The following RBM6 variants were observed in gnomAD, a reference collection of about 807,000 sequenced individuals.
RBM6 encodes RNA binding motif protein 6.
In RBM6, 23 loss-of-function variants were observed where a neutral mutation model predicts 140.4. That is an observed-to-expected ratio of 0.16 (90% CI 0.12 to 0.23). The LOEUF (loss-of-function observed/expected upper bound fraction) is 0.23, where lower values mean the gene tolerates loss of function less well. Ranked by LOEUF, RBM6 falls within the 10% of genes least tolerant of loss-of-function variation. RBM6 has a pLI of 1.00. For synonymous variants in RBM6, 439 were observed against 475.6 expected (o/e 0.92, Z 1.00); for missense variants, 1,139 against 1,386.7 (o/e 0.82, Z 2.84).
At chr3:49,991,224 G>C (rs535407667) in intron 5 of RBM6, among the ~76,000 whole-genome samples, 3 of 152,334 alleles carry the variant, frequency 2.0e-5, no homozygotes, top group African/African-American at 7.2e-5. Flanking sequence ...TGAGTGTTGA[G>C]TGTAGGAGTC....
chr3:49,947,629 A>G (rs1381611143), intron 1 of RBM6, among the ~76,000 whole-genome samples: 2 of 152,062 alleles, frequency 1.3e-5, no homozygotes, highest in East Asian at 3.9e-4. Context: ...TTTTTTTAAA[A>G]TCTGTGCCTC....
rs557847011 is a variant in RBM6 at position 50,032,330 on chromosome 3, A to G, written c.1558-15915A>G. 2.5e-4 allele frequency among the ~76,000 whole-genome samples: 38 copies of G among 152,070 alleles called. 1 individual carries two copies. The East Asian group carries it at 5.0e-3, about 20-fold the overall frequency. Reference sequence around the variant, plus strand: ...ACCCCATCTCTACTAAAAAAAATACAAAAATTAGCTGGGCGTGGTGGTGCG... The same window carrying G: ...ACCCCATCTCTACTAAAAAAAATACGAAAATTAGCTGGGCGTGGTGGTGCG... On this transcript the variant is annotated intron_variant, in intron 6 of 20. Transcript: ENST00000266022.
Position 50,066,234 on chromosome 3 carries a change from C to T in RBM6, c.2683-8C>T. ...ATTTGGTATTGATCCCTGGCCTTCT[C>T]CTTCCAGCCTAAAGTGGTAAACCCA... On this transcript the variant is annotated splice_polypyrimidine_tract_variant and splice_region_variant and intron_variant, in intron 16 of 20. Transcript: ENST00000266022. 6.2e-7 allele frequency: 1 copy of T among 1,604,820 alleles called. No homozygotes were observed. The highest frequency in any genetic ancestry group is 1.1e-5 in the South Asian group (1 of 90,406).
intron 1 of RBM6, among the ~76,000 whole-genome samples, chr3:49,946,601 T>C (rs528882151): frequency 1.3e-5 from 2 of 152,176 alleles, no homozygotes; most frequent in South Asian, 2.1e-4. Context: ...AGTGGCATGA[T>C]CTCGGCTCAC....
chr3:50,007,336 A>C (rs1198145833), intron 6 of RBM6, among the ~76,000 whole-genome samples: 2 of 151,096 alleles, frequency 1.3e-5, no homozygotes, highest in African/African-American at 4.9e-5. Context: ...AGCTGTGGCT[A>C]CAGACACGTG....
chr3:50,002,091 A>G (rs1559571103), intron 6 of RBM6, among the ~76,000 whole-genome samples: 1 of 151,862 alleles, frequency 6.6e-6, no homozygotes, highest in Non-Finnish European at 1.5e-5. Flanking sequence ...GTAATTTCCA[A>G]TTATAAATTT....
intron 6 of RBM6, among the ~76,000 whole-genome samples, chr3:49,999,912 A>C (rs2086247604): frequency 6.6e-6 from 1 of 152,254 alleles, no homozygotes; most frequent in South Asian, 2.1e-4. Flanking sequence ...AGTTACACCC[A>C]GACCTAGGGT....
intron 1 of RBM6, among the ~76,000 whole-genome samples, chr3:49,949,984 A>C (rs1022002553): frequency 2.0e-5 from 3 of 152,064 alleles, no homozygotes; most frequent in African/African-American, 7.2e-5. Flanking sequence ...CCGCCTCCTA[A>C]AGTGCTGAGA....
At chr3:49,973,886 TTTTGTTTGTTTG>T (rs143557382) in intron 4 of RBM6, among the ~76,000 whole-genome samples, 1 of 148,028 alleles carries the variant, frequency 6.8e-6, no homozygotes, top group African/African-American at 2.5e-5. Flanking sequence ...GCGCCCAGCA[TTTTGTTTGTTTG>T]TTTGTTTGTT....
At chr3:49,991,245 G>A (rs2085806560) in intron 5 of RBM6, among the ~76,000 whole-genome samples, 1 of 152,162 alleles carries the variant, frequency 6.6e-6, no homozygotes, top group African/African-American at 2.4e-5. Flanking sequence ...TCTGTCCTGT[G>A]GAATATGCCA....
At chr3:49,986,339 G>A (rs1459150941) in intron 5 of RBM6, among the ~76,000 whole-genome samples, 2 of 151,304 alleles carry the variant, frequency 1.3e-5, no homozygotes, top group Non-Finnish European at 2.9e-5. Flanking sequence ...TCACGCGTGT[G>A]ATCCCAGCAC....
rs376504323 is a variant in RBM6 at position 50,071,550 on chromosome 3, CAG to C, written c.3116+1003_3116+1004del. Among the ~76,000 whole-genome samples the C allele has an allele frequency of 2.3e-3, 351 of 152,252 alleles. 2 individuals carry two copies. Among genetic ancestry groups the C allele is most frequent in the African/African-American group, 8.0e-3 (333 of 41,560 alleles). ...AGGAGAGTGGCCTATAATCCCAACA[CAG>C]AGAGGCTGAGGAAGGAGGATCTCTT... is the stretch of plus-strand genomic sequence containing the variant. On this transcript the variant is annotated intron_variant, in intron 19 of 20. Coordinates refer to ENST00000266022, the MANE Select transcript of RBM6 (RefSeq NM_005777.3).
intron 1 of RBM6, among the ~76,000 whole-genome samples, chr3:49,958,508 G>A (rs1211087616): frequency 2.0e-5 from 3 of 152,152 alleles, no homozygotes; most frequent in East Asian, 3.9e-4. Context: ...CCCAGGAGGC[G>A]GAGCTTGCAG....
At chr3:49,955,569 G>A (rs1356784992) in intron 1 of RBM6, among the ~76,000 whole-genome samples, 2 of 152,004 alleles carry the variant, frequency 1.3e-5, no homozygotes, top group East Asian at 3.9e-4. Flanking sequence ...TAGGCTGGGC[G>A]CAGTGGCTCA....
At chr3:50,067,603 T>C (rs1255535063) in intron 17 of RBM6, among the ~76,000 whole-genome samples, 1 of 152,244 alleles carries the variant, frequency 6.6e-6, no homozygotes, top group Non-Finnish European at 1.5e-5. Context: ...AATATTGTTA[T>C]GAGCCACAGC....
chr3:49,986,724 CCT>C (rs1441287085), intron 5 of RBM6, among the ~76,000 whole-genome samples: 2 of 151,346 alleles, frequency 1.3e-5, no homozygotes, highest in African/African-American at 4.9e-5. Context: ...CTTCTCTTCT[CCT>C]CTCTTCTCTT....
rs748058816 is a variant in RBM6 at position 50,066,216 on chromosome 3, A to G, written c.2683-26A>G. 2.5e-5 allele frequency: 39 copies of G among 1,591,132 alleles called. No individual in the cohort carries two copies. In the South Asian group the frequency reaches 4.0e-4, roughly 16 times the overall value. On this transcript the variant is annotated intron_variant, in intron 16 of 20. Coordinates refer to ENST00000266022, the MANE Select transcript of RBM6 (RefSeq NM_005777.3). ...CCCCAAAATATAGGTTGAATTTGGTATTGATCCCTGGCCTTCTCCTTCCAG... is the reference window on the plus strand; with the variant it reads ...CCCCAAAATATAGGTTGAATTTGGTGTTGATCCCTGGCCTTCTCCTTCCAG...
intron 6 of RBM6, among the ~76,000 whole-genome samples, chr3:50,017,660 G>A (rs1024267757): frequency 2.0e-5 from 3 of 151,768 alleles, no homozygotes; most frequent in African/African-American, 7.3e-5. Context: ...TGAGTTCTTT[G>A]TACATTTTGG....
At chr3:50,004,639 A>G (rs1206310370) in intron 6 of RBM6, among the ~76,000 whole-genome samples, 1 of 151,154 alleles carries the variant, frequency 6.6e-6, no homozygotes, top group African/African-American at 2.4e-5. Context: ...TTTTTTTGAG[A>G]CTTAGGGTTC....
Sources: allele counts gnomAD v4.1 joint callset (sites outside exome capture counted in the v4.1 genomes callset), GRCh38; gene constraint gnomAD v4.1.1; transcripts MANE v1.5; gene names NCBI Gene and HGNC (gene_info 2026-07-23, HGNC 2026-07-21).